Variants in HIVEP1 observed in about 807,000 individuals in gnomAD.
The protein encoded by HIVEP1 is zinc finger protein 40.
In HIVEP1, 36 loss-of-function variants were observed where a neutral mutation model predicts 180.0. The ratio of observed to expected loss-of-function variants is 0.20; its 90% CI spans 0.15 to 0.26. The LOEUF is 0.26. HIVEP1 is among the 10% of genes least tolerant of loss of function. HIVEP1 has a pLI of 1.00. For synonymous variants in HIVEP1, 1,239 were observed against 1,239.0 expected (o/e 1.00, Z 0.00); for missense variants, 3,143 against 3,268.7 (o/e 0.96, Z 0.94).
Position 12,119,887 on chromosome 6 carries a change from C to T in HIVEP1, c.95-3C>T. 4 of 1,534,372 alleles carry T rather than the reference C, an allele frequency of 2.6e-6. No homozygotes were observed. The highest frequency in any genetic ancestry group is 3.5e-6 in the Non-Finnish European group (4 of 1,145,958). On this transcript the variant is annotated splice_polypyrimidine_tract_variant and splice_region_variant and intron_variant, in intron 3 of 8. Coordinates refer to ENST00000379388, the MANE Select transcript of HIVEP1 (RefSeq NM_002114.4). ...TGTTTGTTGTTGTTGTTGTTTTTTCCAGAAATCTTACAGGCTGGTGTTAAA... is the reference window on the plus strand; with the variant it reads ...TGTTTGTTGTTGTTGTTGTTTTTTCTAGAAATCTTACAGGCTGGTGTTAAA...
the HIVEP1 span, among the ~76,000 whole-genome samples, chr6:12,190,528 T>C: frequency 6.6e-6 from 1 of 152,154 alleles, no homozygotes; most frequent in African/African-American, 2.4e-5. Context: ...CTGCAACTCT[T>C]TTGTCCCAAC....
At chr6:12,157,620 C>T (rs993321681) in intron 7 of HIVEP1, among the ~76,000 whole-genome samples, 21 of 152,072 alleles carry the variant, frequency 1.4e-4, no homozygotes, top group South Asian at 8.3e-4. Context: ...CTACTGTGAA[C>T]GCACAGTACA....
intron 3 of HIVEP1, among the ~76,000 whole-genome samples, chr6:12,104,365 T>A (rs1774284234): frequency 2.0e-5 from 3 of 149,032 alleles, no homozygotes; most frequent in Admixed American, 2.0e-4. Context: ...TGACTTATTC[T>A]CTCTCTCTCT....
At chr6:12,137,393 T>C (rs1288283961) in intron 7 of HIVEP1, among the ~76,000 whole-genome samples, 3 of 152,230 alleles carry the variant, frequency 2.0e-5, no homozygotes, top group Non-Finnish European at 4.4e-5. Context: ...TCATGGATTG[T>C]TTACATTTGC....
intron 2 of HIVEP1, among the ~76,000 whole-genome samples, chr6:12,036,372 C>T (rs988774013): frequency 5.3e-5 from 8 of 152,158 alleles, no homozygotes; most frequent in Non-Finnish European, 1.0e-4. Context: ...TAAAAATCCA[C>T]GTATGTATAG....
At chr6:12,133,838 C>T (rs577043587) in intron 6 of HIVEP1, among the ~76,000 whole-genome samples, 17 of 152,076 alleles carry the variant, frequency 1.1e-4, no homozygotes, top group African/African-American at 3.1e-4. Flanking sequence ...ATTAGCCTGG[C>T]GCAGTGGCAG....
At chr6:12,165,786 G>C (rs1309527985), downstream of HIVEP1, among the ~76,000 whole-genome samples, 1 of 152,224 alleles carries the variant, frequency 6.6e-6, no homozygotes, top group African/African-American at 2.4e-5. Context: ...ACAACAGCAT[G>C]GTTTGCGAGG....
chr6:12,184,010 TAGATAGATAGATAGACAGACAGACAGAC>T, the HIVEP1 span, among the ~76,000 whole-genome samples: 2 of 141,544 alleles, frequency 1.4e-5, no homozygotes, highest in African/African-American at 5.7e-5. Context: ...GATAGATAGA[TAGATAGATAGATAGACAGACAGACAGAC>T]AGACAGACAG....
At chr6:12,071,727 C>T (rs931106316) in intron 2 of HIVEP1, among the ~76,000 whole-genome samples, 1 of 152,070 alleles carries the variant, frequency 6.6e-6, no homozygotes, top group African/African-American at 2.4e-5. Flanking sequence ...TCATTTCAGC[C>T]TAGTGTTTTA....
chr6:12,011,156 C>T (rs1424969124), upstream of HIVEP1, among the ~76,000 whole-genome samples: 4 of 152,152 alleles, frequency 2.6e-5, no homozygotes, highest in Admixed American at 6.5e-5. Flanking sequence ...CTCTCCAAAC[C>T]AACACCCTGC....
At chr6:12,067,567 G>C (rs192279143) in intron 2 of HIVEP1, among the ~76,000 whole-genome samples, 1 of 151,988 alleles carries the variant, frequency 6.6e-6, no homozygotes, top group East Asian at 1.9e-4. Context: ...TTGAGTAGGC[G>C]CCAATGGCGT....
At chr6:12,128,866 C>T (rs1314721332) in intron 4 of HIVEP1, among the ~76,000 whole-genome samples, 1 of 152,130 alleles carries the variant, frequency 6.6e-6, no homozygotes, top group East Asian at 1.9e-4. Context: ...TTTGGCTAGA[C>T]CTGGATGCCA....
At chr6:12,154,161 T>C (rs1389592759) in intron 7 of HIVEP1, among the ~76,000 whole-genome samples, 1 of 152,222 alleles carries the variant, frequency 6.6e-6, no homozygotes, top group East Asian at 1.9e-4. Context: ...CCAGCACCAC[T>C]GAATTTATTC....
chr6:12,055,342 A>G (rs547796133), intron 2 of HIVEP1, among the ~76,000 whole-genome samples: 2 of 152,220 alleles, frequency 1.3e-5, no homozygotes, highest in Admixed American at 6.5e-5. Context: ...GCATGGTGGC[A>G]CGTGCCTGTA....
intron 3 of HIVEP1, among the ~76,000 whole-genome samples, chr6:12,104,918 G>A (rs1454002485): frequency 1.3e-5 from 2 of 151,986 alleles, no homozygotes; most frequent in African/African-American, 2.4e-5. Context: ...AAGTCTTTGT[G>A]TATTCATTCC....
At chr6:12,068,179 C>T (rs924783592) in intron 2 of HIVEP1, among the ~76,000 whole-genome samples, 2 of 152,094 alleles carry the variant, frequency 1.3e-5, no homozygotes, top group Non-Finnish European at 2.9e-5. Context: ...CAATCTCCGC[C>T]TCCTGGGTTC....
At chr6:12,062,215 G>A (rs926433232) in intron 2 of HIVEP1, among the ~76,000 whole-genome samples, 1 of 152,114 alleles carries the variant, frequency 6.6e-6, no homozygotes, top group African/African-American at 2.4e-5. Context: ...AATTTACTTA[G>A]AAATTATTAC....
At position 12,164,434 on chromosome 6, in the gene HIVEP1, C is replaced by T. The variant is rs372669733; in HGVS notation, c.8130C>T (p.Asp2710=). The T allele has an allele frequency of 3.2e-5, 52 of 1,611,444 alleles. No homozygotes were observed. Among genetic ancestry groups the T allele is most frequent in the Admixed American group, 3.2e-4 (19 of 59,372 alleles). ...VHFSDVSSDD[D]EDRLVIAT ...TCAGCGACGTGAGCAGCGATGATGA[C>T]GAGGACAGGCTTGTGATAGCAACCT... is the stretch of plus-strand genomic sequence containing the variant. The change falls in exon 9 of 9, where the codon GAC becomes GAT. Residue 2710 remains aspartate (D), a synonymous_variant. Transcript: ENST00000379388.
intron 2 of HIVEP1, among the ~76,000 whole-genome samples, chr6:12,080,464 G>A (rs2113277936): frequency 6.6e-6 from 1 of 152,258 alleles, no homozygotes; most frequent in South Asian, 2.1e-4. Flanking sequence ...TATACTGTAT[G>A]TATAAATAAT....
Sources: gnomAD v4.1 joint callset for allele counts (sites outside exome capture counted in the v4.1 genomes callset) on GRCh38, gnomAD v4.1.1 for gene constraint, MANE v1.5 for transcripts, NCBI Gene and HGNC (gene_info 2026-07-23, HGNC 2026-07-21) for gene names.